Variants in EHBP1L1 observed in about 807,000 individuals in gnomAD.
The protein encoded by EHBP1L1 is EH domain binding protein 1 like 1.
EHBP1L1 carries 122 observed loss-of-function variants against 151.1 expected under a neutral mutation model. The ratio of observed to expected loss-of-function variants is 0.81; its 90% CI spans 0.70 to 0.94. The LOEUF (loss-of-function observed/expected upper bound fraction) is 0.94. EHBP1L1 is among the 40% of genes least tolerant of loss of function. The probability of loss-of-function intolerance (pLI) is 0.00; values close to 1 mark genes in which losing one functional copy is unlikely to be tolerated. For synonymous variants in EHBP1L1, 878 were observed against 810.1 expected (o/e 1.08, Z -1.42); for missense variants, 1,941 against 1,959.8 (o/e 0.99, Z 0.18).
In EHBP1L1 at chr11:65,585,250, G is replaced by A. The variant is rs1837218178; in HGVS notation, c.3592G>A (p.Asp1198Asn). Residue 1198 changes from aspartate (D) to asparagine (N), a missense_variant, in exon 12 of 19, where the codon GAC becomes AAC. Asp to Asn is a conservative substitution (Grantham distance 23, BLOSUM62 1). Coordinates refer to ENST00000309295, the MANE Select transcript of EHBP1L1 (RefSeq NM_001099409.3). This position sits in a 1 kb window ranked among gnomAD's most constrained non-coding sequence, Gnocchi z 4.0. ...EGPQEPKEAADRADGAAPGVA... is the reference protein window; with the variant it reads ...EGPQEPKEAANRADGAAPGVA... Reference sequence around the variant, plus strand: ...GCCCCAGGAGCCCAAGGAGGCCGCAGACCGCGCAGACGGGGCGGCCCCGGG... The same window carrying A: ...GCCCCAGGAGCCCAAGGAGGCCGCAAACCGCGCAGACGGGGCGGCCCCGGG... The A allele has an allele frequency of 2.7e-6, 3 of 1,101,970 alleles. No individual in the cohort carries two copies. In the African/African-American group the frequency reaches 5.1e-5, roughly 19 times the overall value. 68.3% of individuals were successfully genotyped at this position (1,101,970 alleles called of 1,614,324 possible).
In EHBP1L1 at chr11:65,581,303, C is replaced by T. The variant is rs932836443; in HGVS notation, c.796C>T (p.Arg266Ter). Residue 266 changes from arginine (R) to a stop codon, truncating the protein, a stop_gained, in exon 8 of 19, where the codon CGA (arginine) becomes TGA (stop). Transcript: ENST00000309295. LOFTEE classifies it high-confidence loss of function. ...AACCTCCCGAGGCCAGGGGTCAGAACGAGCTAATGAAGCGGGGGGCCAGGT... is the reference window on the plus strand; with the variant it reads ...AACCTCCCGAGGCCAGGGGTCAGAATGAGCTAATGAAGCGGGGGGCCAGGT... ...ARTSRGQGSE[R>*]ANEAGGQVGP... 8 of 1,611,654 alleles carry T rather than the reference C, an allele frequency of 5.0e-6. No individual in the cohort carries two copies. In the South Asian group the frequency reaches 7.7e-5, roughly 15 times the overall value.
Position 65,589,784 on chromosome 11 carries a change from G to T in EHBP1L1, c.3967G>T (p.Gly1323Cys). 6.4e-7 allele frequency: 1 copy of T among 1,560,056 alleles called. No individual in the cohort carries two copies. The highest frequency in any genetic ancestry group is 8.7e-7 in the Non-Finnish European group (1 of 1,151,988). ...GGCCCCTGACCCCAGCCCTGCCCCA[G>T]GCCCACCCACAGCTGCAGACTCTCA... Reference protein sequence around the residue: ...GQAPDPSPAPGPPTAADSQQP... With the variant: ...GQAPDPSPAPCPPTAADSQQP... Residue 1323 changes from glycine to cysteine, a missense_variant, in exon 13 of 19, where the codon GGC (glycine) becomes TGC (cysteine). Coordinates refer to ENST00000309295, the MANE Select transcript of EHBP1L1 (RefSeq NM_001099409.3).
At position 65,592,449 on chromosome 11, in the gene EHBP1L1, C is replaced by A. The variant is rs1020650166; in HGVS notation, c.*147C>A. 13 of 425,240 alleles carry A rather than the reference C, an allele frequency of 3.1e-5. No homozygotes were observed. Among genetic ancestry groups the A allele is most frequent in the Non-Finnish European group, 6.6e-6 (2 of 302,950 alleles). 26.3% of individuals were successfully genotyped at this position (425,240 alleles called of 1,614,324 possible). A position where few individuals can be genotyped will look rare whatever the true frequency, so the allele number is the denominator to read the frequency against. On this transcript the variant is annotated 3_prime_UTR_variant, in exon 19 of 19. Coordinates refer to ENST00000309295, the MANE Select transcript of EHBP1L1 (RefSeq NM_001099409.3). ...GCGCCCTTCCCCGTACAGGGCAGGG[C>A]GGATCCCCGACCCCACGGGCGGGGC...
At chr11:65,587,197 AC>A (rs1858014844) in intron 12 of EHBP1L1, among the ~76,000 whole-genome samples, 2 of 152,112 alleles carry the variant, frequency 1.3e-5, no homozygotes, top group South Asian at 4.1e-4. Context: ...ACATGGTGAA[AC>A]CCCGTCTCTA....
At chr11:65,581,011 CT>C (rs1159179734) in intron 6 of EHBP1L1, 46 bp from the exon 7 acceptor site, 2 of 1,554,852 alleles carry the variant, frequency 1.3e-6, no homozygotes, top group Non-Finnish European at 1.7e-6. Flanking sequence ...CTGTGGGGCC[CT>C]GCCCTGGGCT....
At position 65,585,444 on chromosome 11, in the gene EHBP1L1, C is replaced by G; in HGVS notation, c.3786C>G (p.Pro1262=). 1.3e-6 allele frequency: 2 copies of G among 1,506,388 alleles called. No homozygotes were observed. The highest frequency in any genetic ancestry group is 1.8e-6 in the Non-Finnish European group (2 of 1,133,210). The allele number at this position is 1,506,388 out of a possible 1,614,324, so 93.3% of individuals were successfully genotyped here. A position where few individuals can be genotyped will look rare whatever the true frequency, so the allele number is the denominator to read the frequency against. ...GACGGCCCTCGGTCAACGGGGAGCC[C>G]GGGTCGGTGCCCCCGCCCCGCGCGC... The part of the protein sequence containing the change: ...RLRRPSVNGE[P]GSVPPPRAHG... Residue 1262 remains proline (P), a synonymous_variant, in exon 12 of 19, where the codon CCC becomes CCG. Transcript: ENST00000309295. This position sits in a 1 kb window ranked among gnomAD's most constrained non-coding sequence, Gnocchi z 4.0.
In EHBP1L1 at chr11:65,579,375, A is replaced by C. The variant is rs201543472; in HGVS notation, c.197A>C (p.Tyr66Ser). 1.3e-4 allele frequency: 205 copies of C among 1,576,578 alleles called. 2 individuals are homozygous for C. Among genetic ancestry groups the C allele is most frequent in the Admixed American group, 1.1e-3 (61 of 55,178 alleles). ...TGGCAGCCGGGCATCCAGAACCCAT[A>C]CCGGGGCACCGTGGTGTGGATGGTA... ...HSWQPGIQNP[Y>S]RGTVVWMVPE... The change falls in exon 3 of 19, where the codon TAC becomes TCC. Residue 66 changes from tyrosine to serine, a missense_variant. Transcript: ENST00000309295.
chr11:65,592,145 A>C, intron 18 of EHBP1L1, 55 bp downstream of exon 18: 1 of 1,609,692 alleles, frequency 6.2e-7, no homozygotes, highest in Non-Finnish European at 8.5e-7. Context: ...TTGCTCCCGC[A>C]GAGGGCTGCG....
Position 65,591,781 on chromosome 11 carries a change from A to G in EHBP1L1, c.4284-19A>G, listed in dbSNP as rs760265533. The G allele has an allele frequency of 3.8e-6, 2 of 532,520 alleles. No homozygotes were observed. The highest frequency in any genetic ancestry group is 5.3e-5 in the Admixed American group (1 of 19,020). The allele number at this position is 532,520 out of a possible 1,614,324, so 33.0% of individuals were successfully genotyped here. ...CTGAACTGCCACCCCCCCGCCACCCACCCCCCGCCACCTTCCAGCATGGAG... is the reference window on the plus strand; with the variant it reads ...CTGAACTGCCACCCCCCCGCCACCCGCCCCCCGCCACCTTCCAGCATGGAG... On this transcript the variant is annotated intron_variant, in intron 16 of 18. Transcript: ENST00000309295.
In EHBP1L1 at chr11:65,582,505, A is replaced by T; in HGVS notation, c.1833A>T (p.Glu611Asp). 6.2e-7 allele frequency: 1 copy of T among 1,613,372 alleles called. No individual in the cohort carries two copies. Residue 611 changes from glutamate (E) to aspartate (D), a missense_variant, in exon 9 of 19, where the codon GAA (glutamate) becomes GAT (aspartate). Coordinates refer to ENST00000309295, the MANE Select transcript of EHBP1L1 (RefSeq NM_001099409.3). Reference sequence around the variant, plus strand: ...AGATATTGGGGGCCTTGGAGAAAGAAGCAGCAAGATCAAGGGTCCTGGAGT... The same window carrying T: ...AGATATTGGGGGCCTTGGAGAAAGATGCAGCAAGATCAAGGGTCCTGGAGT... ...EIEILGALEK[E>D]AARSRVLESE... is the part of the protein sequence containing the mutation.
chr11:65,589,378 C>T (rs911193407), intron 12 of EHBP1L1, among the ~76,000 whole-genome samples: 8 of 152,104 alleles, frequency 5.3e-5, no homozygotes, highest in Admixed American at 1.3e-4. Context: ...GGCGACAGAG[C>T]GAATCTCCAT....
chr11:65,584,311 G>C lies in EHBP1L1; in HGVS notation c.3164G>C (p.Arg1055Pro). 6.2e-7 allele frequency: 1 copy of C among 1,611,456 alleles called. No homozygotes were observed. Among genetic ancestry groups the C allele is most frequent in the Non-Finnish European group, 8.5e-7 (1 of 1,178,760 alleles). The change falls in exon 10 of 19, where the codon CGT (arginine) becomes CCT (proline). Residue 1055 changes from arginine (R) to proline (P), a missense_variant. Transcript: ENST00000309295. Reference sequence around the variant, plus strand: ...TGCCAGGAAGTCACCACTGGCTACCGTGGCGTCCGCATCACCAACTTCACC... The same window carrying C: ...TGCCAGGAAGTCACCACTGGCTACCCTGGCGTCCGCATCACCAACTTCACC... ...EWCQEVTTGY[R>P]GVRITNFTTS... is the part of the protein sequence containing the mutation.
chr11:65,585,275 G>C lies in EHBP1L1; in HGVS notation c.3617G>C (p.Gly1206Ala), dbSNP rs1262651181. The change falls in exon 12 of 19, where the codon GGG becomes GCG. Residue 1206 changes from glycine to alanine, a missense_variant. Physicochemically the swap from Gly to Ala is moderately conservative, Grantham distance 60 (BLOSUM62 0). Transcript: ENST00000309295. The surrounding 1 kb of genome is among the most constrained non-coding windows in gnomAD (Gnocchi z 4.0). ...GACCGCGCAGACGGGGCGGCCCCGG[G>C]GGTGGCCTCCAGGAACGCGGTCGCG... is the stretch of plus-strand genomic sequence containing the variant. ...AADRADGAAPGVASRNAVAGR... is the reference protein window; with the variant it reads ...AADRADGAAPAVASRNAVAGR... 1.5e-5 allele frequency: 16 copies of C among 1,080,784 alleles called. No homozygotes were observed. In the African/African-American group the frequency reaches 2.7e-4, roughly 18 times the overall value. 66.9% of individuals were successfully genotyped at this position (1,080,784 alleles called of 1,614,324 possible).
At position 65,592,266 on chromosome 11, in the gene EHBP1L1, G is replaced by C; in HGVS notation, c.4536G>C (p.Arg1512=). The C allele has an allele frequency of 2.3e-5, 36 of 1,532,050 alleles. No homozygotes were observed. The highest frequency in any genetic ancestry group is 3.1e-5 in the Non-Finnish European group (36 of 1,145,504). The allele number at this position is 1,532,050 out of a possible 1,614,324, so 94.9% of individuals were successfully genotyped here. ...GLEQRRRKLS[R]QLSRRERCVL... ...AACAGCGGCGCCGCAAGCTGAGCCGGCAGTTGAGCCGGCGGGAGCGCTGCG... is the reference window on the plus strand; with the variant it reads ...AACAGCGGCGCCGCAAGCTGAGCCGCCAGTTGAGCCGGCGGGAGCGCTGCG... The change falls in exon 19 of 19, where the codon CGG becomes CGC. Residue 1512 remains arginine, a synonymous_variant. Transcript: ENST00000309295.
At chr11:65,576,498 A>G (rs971673634) in intron 1 of EHBP1L1, 92 bp downstream of exon 1, 5 of 1,143,778 alleles carry the variant, frequency 4.4e-6, no homozygotes, top group East Asian at 2.9e-5. Context: ...CCCCAGCCCA[A>G]TGACCAAATG....
Position 65,583,323 on chromosome 11 carries a change from C to A in EHBP1L1, c.2651C>A (p.Ser884Ter). The A allele has an allele frequency of 1.2e-6, 2 of 1,613,598 alleles. No homozygotes were observed. The highest frequency in any genetic ancestry group is 4.5e-5 in the East Asian group (2 of 44,884). Residue 884 changes from serine to a stop codon, truncating the protein, a stop_gained, in exon 9 of 19, where the codon TCG (serine) becomes TAG (stop). Transcript: ENST00000309295. LOFTEE classifies it high-confidence loss of function. ...PEAEKEEAQT[S>*]GVQEAETRVG... ...GCTGAGAAGGAAGAGGCTCAGACTT[C>A]GGGGGTCCAGGAAGCAGAGACTAGA...
rs1565125656 is a variant in EHBP1L1, at chr11:65,583,323, C to CG, written c.2656dup (p.Val886GlyfsTer7). The CG allele has an allele frequency of 1.2e-6, 2 of 1,613,598 alleles. No individual in the cohort carries two copies. Among genetic ancestry groups the CG allele is most frequent in the South Asian group, 1.1e-5 (1 of 91,076 alleles). ...GCTGAGAAGGAAGAGGCTCAGACTT[C>CG]GGGGGTCCAGGAAGCAGAGACTAGA... is the stretch of plus-strand genomic sequence containing the variant. On this transcript the variant is annotated frameshift_variant, in exon 9 of 19. Coordinates refer to ENST00000309295, the MANE Select transcript of EHBP1L1 (RefSeq NM_001099409.3). LOFTEE classifies it high-confidence loss of function.
At position 65,582,590 on chromosome 11, in the gene EHBP1L1, G is replaced by A. The variant is rs199890641; in HGVS notation, c.1918G>A (p.Val640Ile). The part of the protein sequence containing the change: ...GLETQETEVG[V>I]IETPGTETEV... Reference sequence around the variant, plus strand: ...GGAGACCCAGGAAACAGAGGTGGGGGTCATAGAGACCCCAGGGACAGAGAC... The same window carrying A: ...GGAGACCCAGGAAACAGAGGTGGGGATCATAGAGACCCCAGGGACAGAGAC... The change falls in exon 9 of 19, where the codon GTC becomes ATC. Residue 640 changes from valine (V) to isoleucine (I), a missense_variant. By Grantham distance (29) the Val-to-Ile change is conservative. Coordinates refer to ENST00000309295, the MANE Select transcript of EHBP1L1 (RefSeq NM_001099409.3). 1 of 1,613,172 alleles carries A rather than the reference G, an allele frequency of 6.2e-7. No homozygotes were observed. The highest frequency in any genetic ancestry group is 1.7e-5 in the Admixed American group (1 of 59,992).
At position 65,580,353 on chromosome 11, in the gene EHBP1L1, A is replaced by G; in HGVS notation, c.508A>G (p.Ser170Gly). Residue 170 changes from serine to glycine, a missense_variant, in exon 6 of 19, where the codon AGT (serine) becomes GGT (glycine). Ser to Gly is a moderately conservative substitution (Grantham distance 56). Transcript: ENST00000309295. ...EGRATDDDMQ[S>G]LASLMSVKPS... is the part of the protein sequence containing the mutation. ...GCCTCCCAGGGACGATGACATGCAG[A>G]GTCTCGCAAGCCTCATGAGTGTGAA... 2 of 1,613,782 alleles carry G rather than the reference A, an allele frequency of 1.2e-6. No individual in the cohort carries two copies. Among genetic ancestry groups the G allele is most frequent in the Non-Finnish European group, 1.7e-6 (2 of 1,179,840 alleles).
Sources: allele counts gnomAD v4.1 joint callset (sites outside exome capture counted in the v4.1 genomes callset), GRCh38; gene constraint gnomAD v4.1.1; non-coding constraint Gnocchi (gnomAD v3.1); transcripts MANE v1.5; gene names NCBI Gene and HGNC (gene_info 2026-07-23, HGNC 2026-07-21).